GMEB2: variants seen among roughly 807,000 people sequenced by gnomAD.
The protein encoded by GMEB2 is glucocorticoid modulatory element-binding protein 2.
In GMEB2, 7 loss-of-function variants were observed where a neutral mutation model predicts 45.7. The observed-to-expected ratio is 0.15, with a 90% CI of 0.09 to 0.29. GMEB2 has a LOEUF of 0.29. GMEB2 is among the 10% of genes least tolerant of loss of function. The pLI is 1.00. For missense variants in GMEB2, 582 were observed against 739.2 expected (o/e 0.79, Z 2.47); for synonymous variants, 322 against 323.6 (o/e 1.00, Z 0.05).
At position 63,592,414 on chromosome 20, in the gene GMEB2, A is replaced by C; in HGVS notation, c.829+119T>G. 1.3e-6 allele frequency: 1 copy of C among 758,406 alleles called. No individual in the cohort carries two copies. The highest frequency in any genetic ancestry group is 2.6e-5 in the East Asian group (1 of 38,032). The allele number at this position is 758,406 out of a possible 1,614,324, so 47.0% of individuals were successfully genotyped here. On this transcript the variant is annotated intron_variant, in intron 8 of 9. Transcript: ENST00000370077. This position sits in a 1 kb window ranked among gnomAD's most constrained non-coding sequence, Gnocchi z 8.2. ...TCAGCACAGCAGGAGTCCCAAGCCT[A>C]GATTCAGCCTCCAACCCAGCAGCAC...
Position 63,604,858 on chromosome 20 carries a change from GGA to G in GMEB2, c.132-20_132-19del. The stretch of plus-strand genomic sequence containing the variant: ...GGTCGCCCCTGGTGAAGTGAAGGGA[GGA>G]GAGAATAGAATCAGGATCCCGGAGG... On this transcript the variant is annotated intron_variant, in intron 2 of 9. Coordinates refer to ENST00000370077, the MANE Select transcript of GMEB2 (RefSeq NM_012384.5). 1 of 1,431,904 alleles carries G rather than the reference GGA, an allele frequency of 7.0e-7. No individual in the cohort carries two copies. The highest frequency in any genetic ancestry group is 9.9e-7 in the Non-Finnish European group (1 of 1,013,364). The allele number at this position is 1,431,904 out of a possible 1,614,324, so 88.7% of individuals were successfully genotyped here.
At chr20:63,595,519 TG>T in intron 6 of GMEB2, 90 bp downstream of exon 6, 1 of 1,232,410 alleles carries the variant, frequency 8.1e-7, no homozygotes, top group South Asian at 1.4e-5. Context: ...AGCAAACGCC[TG>T]GGGCCAAGGA....
In GMEB2 at chr20:63,589,647, C is replaced by T. The variant is rs527421852; in HGVS notation, c.*442G>A. On this transcript the variant is annotated 3_prime_UTR_variant, in exon 10 of 10. Transcript: ENST00000370077. ...TAGCTCCCAAGTCATGAGTTAGTAA[C>T]GTCCCCAGGGACCTGGCTGGGTGCA... 5 of 173,858 alleles carry T rather than the reference C, an allele frequency of 2.9e-5. No individual in the cohort carries two copies. The East Asian group carries it at 6.0e-4, about 21-fold the overall frequency. The allele number at this position is 173,858 out of a possible 1,614,324, so 10.8% of individuals were successfully genotyped here.
At position 63,589,045 on chromosome 20, in the gene GMEB2, T is replaced by G. The variant is rs934646992; in HGVS notation, c.*1044A>C. The G allele has an allele frequency of 2.5e-6, 1 of 398,972 alleles. No individual in the cohort carries two copies. Among genetic ancestry groups the G allele is most frequent in the Non-Finnish European group, 4.4e-6 (1 of 226,326 alleles). The allele number at this position is 398,972 out of a possible 1,614,324, so 24.7% of individuals were successfully genotyped here. Reference sequence around the variant, plus strand: ...GACCACCAAGGGCCAGCCCAGGGGCTGCATGGGGGCCGGGGGCCAGGGAGC... The same window carrying G: ...GACCACCAAGGGCCAGCCCAGGGGCGGCATGGGGGCCGGGGGCCAGGGAGC... On this transcript the variant is annotated 3_prime_UTR_variant, in exon 10 of 10. Transcript: ENST00000370077.
intron 2 of GMEB2, among the ~76,000 whole-genome samples, chr20:63,616,420 G>A (rs2089608834): frequency 1.3e-5 from 2 of 152,186 alleles, no homozygotes; most frequent in African/African-American, 4.8e-5. Context: ...CTCCAGCCTA[G>A]GCAACAAGAG....
chr20:63,597,910 G>C, intron 4 of GMEB2, 50 bp from the exon 5 acceptor site: 3 of 1,072,074 alleles, frequency 2.8e-6, no homozygotes, highest in Non-Finnish European at 4.4e-6. Context: ...ACACCACATA[G>C]GGTGCCCCCA....
intron 1 of GMEB2, among the ~76,000 whole-genome samples, chr20:63,621,049 A>C (rs1307680125): frequency 2.0e-5 from 3 of 152,196 alleles, no homozygotes; most frequent in Admixed American, 2.0e-4. Context: ...AAAAACGACA[A>C]CCAAAAGAAA....
intron 4 of GMEB2, among the ~76,000 whole-genome samples, chr20:63,602,522 CCT>C (rs1223926626): frequency 2.6e-5 from 4 of 152,216 alleles, no homozygotes; most frequent in African/African-American, 9.6e-5. Context: ...CTCAGCACTT[CCT>C]CTTTCTTAGC....
chr20:63,615,090 C>T (rs1049815603), intron 2 of GMEB2, among the ~76,000 whole-genome samples: 2 of 152,204 alleles, frequency 1.3e-5, no homozygotes, highest in Non-Finnish European at 2.9e-5. Flanking sequence ...CTGGTCCCTA[C>T]ACCCTGGCTT....
At chr20:63,590,864 CA>C in intron 9 of GMEB2, 135 bp from the exon 10 acceptor site, 1 of 494,170 alleles carries the variant, frequency 2.0e-6, no homozygotes, top group South Asian at 3.8e-5. Context: ...CACCTGATGC[CA>C]CAAACCCAGA....
At chr20:63,623,568 G>A (rs1469562160) in intron 1 of GMEB2, among the ~76,000 whole-genome samples, 1 of 152,030 alleles carries the variant, frequency 6.6e-6, no homozygotes, top group African/African-American at 2.4e-5. Flanking sequence ...GGAGGCCGCG[G>A]CGGGTGGATC....
At chr20:63,595,283 TGGGA>T (rs1880507439) in intron 6 of GMEB2, among the ~76,000 whole-genome samples, 1 of 9,662 alleles carries the variant, frequency 1.0e-4, no homozygotes, top group South Asian at 3.8e-3. Context: ...GCCGTGGGGG[TGGGA>T]GGGAGGGGGC....
chr20:63,601,843 G>A (rs2083243878), intron 4 of GMEB2, among the ~76,000 whole-genome samples: 1 of 93,652 alleles, frequency 1.1e-5, no homozygotes, highest in African/African-American at 3.0e-5. Context: ...CTTCCGTGGG[G>A]CCTGTGGCTT....
At position 63,592,203 on chromosome 20, in the gene GMEB2, G is replaced by T; in HGVS notation, c.830-59C>A. 1 of 1,546,738 alleles carries T rather than the reference G, an allele frequency of 6.5e-7. No individual in the cohort carries two copies. Among genetic ancestry groups the T allele is most frequent in the Non-Finnish European group, 8.8e-7 (1 of 1,136,910 alleles). On this transcript the variant is annotated intron_variant, in intron 8 of 9. Coordinates refer to ENST00000370077, the MANE Select transcript of GMEB2 (RefSeq NM_012384.5). This position sits in a 1 kb window ranked among gnomAD's most constrained non-coding sequence, Gnocchi z 8.2. ...CAAGCCCTTCCTAGAGAGCCACGCG[G>T]ACGCTCGGTGAGAGCCCGGGACCTT...
chr20:63,623,805 A>G (rs2089653709), intron 1 of GMEB2, among the ~76,000 whole-genome samples: 1 of 151,118 alleles, frequency 6.6e-6, no homozygotes, highest in Admixed American at 6.6e-5. Flanking sequence ...CTTAAAAAAA[A>G]AAAGCCACTT....
chr20:63,590,629 G>A lies in GMEB2; in HGVS notation c.1053C>T (p.Ser351=), dbSNP rs34841296. 5,236 of 1,590,022 alleles carry A rather than the reference G, an allele frequency of 3.3e-3. 7 individuals are homozygous for A. Among genetic ancestry groups the A allele is most frequent in the Non-Finnish European group, 3.7e-3 (4,334 of 1,166,646 alleles). ...GGGGCCGCTTCACAGGCGGTGGCAGGGAGACCGGCGTCAGCGTCATGAGCA... is the reference window on the plus strand; with the variant it reads ...GGGGCCGCTTCACAGGCGGTGGCAGAGAGACCGGCGTCAGCGTCATGAGCA... ...SNVLMTLTPV[S]LPPPVKRPRL... is the part of the protein sequence containing the mutation. Residue 351 remains serine, a synonymous_variant, in exon 10 of 10, where the codon TCC becomes TCT. Coordinates refer to ENST00000370077, the MANE Select transcript of GMEB2 (RefSeq NM_012384.5).
In GMEB2 at chr20:63,625,896, C is replaced by G. The variant is rs190337534; in HGVS notation, c.-58+1060G>C. On this transcript the variant is annotated intron_variant, in intron 1 of 9. Coordinates refer to ENST00000370077, the MANE Select transcript of GMEB2 (RefSeq NM_012384.5). ...CAGGTGTGAGCCATCACACCTGGCC[C>G]AAGAAAATATTTTTAAACTAGTATT... 2.5e-4 allele frequency among the ~76,000 whole-genome samples: 38 copies of G among 152,204 alleles called. 1 individual carries two copies. The East Asian group carries it at 7.3e-3, about 29-fold the overall frequency.
chr20:63,595,646 C>A lies in GMEB2; in HGVS notation c.583G>T (p.Ala195Ser). ...GCGGGCGTGAGGGGAATGTACTCGG[C>A]CGACGTGGGGCTGCTCAGGGACACA... Reference protein sequence around the residue: ...ARVSLSSPTSAEYIPLTPAAA... With the variant: ...ARVSLSSPTSSEYIPLTPAAA... Residue 195 changes from alanine to serine, a missense_variant, in exon 6 of 10, where the codon GCC (alanine) becomes TCC (serine). Physicochemically the swap from Ala to Ser is moderately conservative, Grantham distance 99. Coordinates refer to ENST00000370077, the MANE Select transcript of GMEB2 (RefSeq NM_012384.5). 6.2e-7 allele frequency: 1 copy of A among 1,613,204 alleles called. No individual in the cohort carries two copies. Among genetic ancestry groups the A allele is most frequent in the Non-Finnish European group, 8.5e-7 (1 of 1,179,660 alleles).
At position 63,599,310 on chromosome 20, in the gene GMEB2, G is replaced by A. The variant is rs140463299; in HGVS notation, c.358-1450C>T. Among the ~76,000 whole-genome samples, 1,049 of 152,330 alleles carry A rather than the reference G, an allele frequency of 6.9e-3. 8 individuals are homozygous for A. The highest frequency in any genetic ancestry group is 0.011 in the Non-Finnish European group (737 of 68,028). On this transcript the variant is annotated intron_variant, in intron 4 of 9. Coordinates refer to ENST00000370077, the MANE Select transcript of GMEB2 (RefSeq NM_012384.5). The stretch of plus-strand genomic sequence containing the variant: ...TGAGGCCCTCCAGGGCGTCTCTCTC[G>A]ATGCTGAATAGACAGGACTGGTCGG...
Sources: allele counts gnomAD v4.1 joint callset (sites outside exome capture counted in the v4.1 genomes callset), GRCh38; gene constraint gnomAD v4.1.1; non-coding constraint Gnocchi (gnomAD v3.1); transcripts MANE v1.5; gene names NCBI Gene and HGNC (gene_info 2026-07-23, HGNC 2026-07-21).